Variants in SPTB observed in about 807,000 individuals in gnomAD.
SPTB encodes the protein spectrin beta chain, erythrocytic.
SPTB carries 45 observed loss-of-function variants against 256.2 expected under a neutral mutation model. That is an observed-to-expected ratio of 0.18 (90% CI 0.14 to 0.23). The LOEUF (loss-of-function observed/expected upper bound fraction) is 0.23, where lower values mean the gene tolerates loss of function less well. SPTB is among the 10% of genes least tolerant of loss of function. SPTB has a pLI of 1.00. For missense variants in SPTB, 2,715 were observed against 3,040.4 expected (o/e 0.89, Z 2.52); for synonymous variants, 1,231 against 1,243.1 (o/e 0.99, Z 0.21).
intron 15 of SPTB, among the ~76,000 whole-genome samples, chr14:64,789,738 G>T (rs1221279336): frequency 6.6e-6 from 1 of 152,312 alleles, no homozygotes; most frequent in East Asian, 1.9e-4. Flanking sequence ...AGTCCTTGGG[G>T]ACAAAAATAA....
intron 9 of SPTB, among the ~76,000 whole-genome samples, chr14:64,798,133 G>A (rs6573571): frequency 0.17 from 25,670 of 152,092 alleles, 3,144 homozygotes; most frequent in African/African-American, 0.34. Flanking sequence ...GGAAGCTGAG[G>A]TATTCTGGTA....
chr14:64,769,508 A>G (rs536191945), intron 28 of SPTB, 82 bp downstream of exon 28: 3 of 1,571,574 alleles, frequency 1.9e-6, no homozygotes, highest in African/African-American at 2.7e-5. Context: ...TGCAGCTCTC[A>G]TCTCCCTCCC....
rs2083704721 is a variant in SPTB, at chr14:64,847,089, C to G, written c.-51-23944G>C. ...GCCCCTTGTCTATGTGTAGCTCCAC[C>G]TCGGGGTGTGATTTCCTCAGTTGTT... On this transcript the variant is annotated intron_variant, in intron 1 of 35. Coordinates refer to ENST00000644917, the MANE Select transcript of SPTB (RefSeq NM_001355436.2). This position sits in a 1 kb window ranked among gnomAD's most constrained non-coding sequence, Gnocchi z 5.9. Among the ~76,000 whole-genome samples the G allele has an allele frequency of 6.6e-6, 1 of 152,180 alleles. No homozygotes were observed. The highest frequency in any genetic ancestry group is 6.5e-5 in the Admixed American group (1 of 15,280).
chr14:64,791,629 C>T (rs1401824525), intron 15 of SPTB, 90 bp downstream of exon 15: 8 of 845,654 alleles, frequency 9.5e-6, no homozygotes, highest in Admixed American at 1.9e-5. Flanking sequence ...TTGGTGCATA[C>T]TAGGTGGACT....
chr14:64,765,025 CGTGT>C (rs565885364), intron 32 of SPTB, among the ~76,000 whole-genome samples: 4 of 118,326 alleles, frequency 3.4e-5, no homozygotes, highest in East Asian at 6.0e-4. Flanking sequence ...GGAGTGTGTG[CGTGT>C]GTGTGTGTGT....
intron 3 of SPTB, 83 bp from the exon 4 acceptor site, chr14:64,803,863 T>A (rs1256421029): frequency 1.1e-5 from 16 of 1,446,664 alleles, no homozygotes; most frequent in African/African-American, 1.4e-5. Context: ...GCTCCTGTCA[T>A]AAGCACCCAC....
Position 64,802,379 on chromosome 14 carries a change from C to A in SPTB, c.475-62G>T, listed in dbSNP as rs1474962747. 1 of 1,531,302 alleles carries A rather than the reference C, an allele frequency of 6.5e-7. No homozygotes were observed. Among genetic ancestry groups the A allele is most frequent in the African/African-American group, 1.4e-5 (1 of 73,256 alleles). The allele number at this position is 1,531,302 out of a possible 1,614,324, so 94.9% of individuals were successfully genotyped here. A position where few individuals can be genotyped will look rare whatever the true frequency, so the allele number is the denominator to read the frequency against. On this transcript the variant is annotated intron_variant, in intron 4 of 35. Transcript: ENST00000644917. The surrounding 1 kb of genome is among the most constrained non-coding windows in gnomAD (Gnocchi z 5.1). Reference sequence around the variant, plus strand: ...GTGCATCTGGATCTGTGCTTTCCTGCCGTCCCTGGGAGGCTCCCTCCCTCA... The same window carrying A: ...GTGCATCTGGATCTGTGCTTTCCTGACGTCCCTGGGAGGCTCCCTCCCTCA...
chr14:64,879,453 G>A (rs1883001261), intron 1 of SPTB, among the ~76,000 whole-genome samples: 1 of 152,230 alleles, frequency 6.6e-6, no homozygotes, highest in African/African-American at 2.4e-5. Context: ...GGGTCCTGGA[G>A]AAGGCGGACG....
Position 64,749,341 on chromosome 14 carries a change from C to T in SPTB, c.6952G>A (p.Glu2318Lys). ...PDASLGKKDK[E>K]KRFSFFPKKK ...TTGGGGAAGAAGCTGAATCTCTTCT[C>T]CTTGTCTTTCTTGCCGAGGCTGGCG... Residue 2318 changes from glutamate (E) to lysine (K), a missense_variant, in exon 36 of 36, where the codon GAG becomes AAG. Coordinates refer to ENST00000644917, the MANE Select transcript of SPTB (RefSeq NM_001355436.2). The surrounding 1 kb of genome is among the most constrained non-coding windows in gnomAD (Gnocchi z 4.7). 1 of 1,609,944 alleles carries T rather than the reference C, an allele frequency of 6.2e-7. No homozygotes were observed. Among genetic ancestry groups the T allele is most frequent in the Non-Finnish European group, 8.5e-7 (1 of 1,179,328 alleles).
rs947967157 is a variant in SPTB, at chr14:64,780,499, C to T, written c.4267-568G>A. Among the ~76,000 whole-genome samples, 17 of 152,176 alleles carry T rather than the reference C, an allele frequency of 1.1e-4. 1 individual carries two copies. The highest frequency in any genetic ancestry group is 4.1e-4 in the South Asian group (2 of 4,832). Reference sequence around the variant, plus strand: ...TGCAATCTTGGCTCACTGCAACCTCCGCCTGCTGGGTTCAAGTGATTCTCC... The same window carrying T: ...TGCAATCTTGGCTCACTGCAACCTCTGCCTGCTGGGTTCAAGTGATTCTCC... On this transcript the variant is annotated intron_variant, in intron 20 of 35. Coordinates refer to ENST00000644917, the MANE Select transcript of SPTB (RefSeq NM_001355436.2).
At chr14:64,766,419 A>G (rs1566741223) in intron 32 of SPTB, 2 of 1,387,712 alleles carry the variant, frequency 1.4e-6, no homozygotes, top group Non-Finnish European at 1.9e-6. Flanking sequence ...CCTCATGTAA[A>G]TGGTGATATA....
At chr14:64,840,133 C>T (rs764846946) in intron 1 of SPTB, among the ~76,000 whole-genome samples, 30 of 152,350 alleles carry the variant, frequency 2.0e-4, no homozygotes, top group South Asian at 6.2e-4. Flanking sequence ...GCAGAACCAA[C>T]GCTTGAACTC....
chr14:64,751,946 T>TAAAAAAAAAAA lies in SPTB; in HGVS notation c.6602+1590_6602+1591insTTTTTTTTTTT, dbSNP rs1566731898. 1.9e-4 allele frequency among the ~76,000 whole-genome samples: 17 copies of TAAAAAAAAAAA among 90,422 alleles called. 1 individual carries two copies. Among genetic ancestry groups the TAAAAAAAAAAA allele is most frequent in the Non-Finnish European group, 2.5e-4 (10 of 40,396 alleles). 59.3% of individuals were successfully genotyped at this position (90,422 alleles called of 152,430 possible). Reference sequence around the variant, plus strand: ...AAAATGCAAAAAAAAAAAAAAAAATTAGCCAGGCGTGGTGGCACGTGCCTG... The same window carrying TAAAAAAAAAAA: ...AAAATGCAAAAAAAAAAAAAAAAATTAAAAAAAAAAAAGCCAGGCGTGGTGGCACGTGCCTG... On this transcript the variant is annotated intron_variant, in intron 33 of 35. Coordinates refer to ENST00000644917, the MANE Select transcript of SPTB (RefSeq NM_001355436.2).
rs1882643680 is a variant in SPTB, at chr14:64,873,224, C to A, written c.-52+6568G>T. ...ATATATATTTTTGTCTGTTGCTTGT[C>A]ATTTAGTTCCTCTCTCCCCCAACTA... On this transcript the variant is annotated intron_variant, in intron 1 of 35. Coordinates refer to ENST00000644917, the MANE Select transcript of SPTB (RefSeq NM_001355436.2). The surrounding 1 kb of genome is among the most constrained non-coding windows in gnomAD (Gnocchi z 4.3). Among the ~76,000 whole-genome samples, 1 of 152,164 alleles carries A rather than the reference C, an allele frequency of 6.6e-6. No homozygotes were observed. Among genetic ancestry groups the A allele is most frequent in the South Asian group, 2.1e-4 (1 of 4,810 alleles).
intron 32 of SPTB, 136 bp downstream of exon 32, chr14:64,766,590 T>C: frequency 6.2e-7 from 1 of 1,602,064 alleles, no homozygotes; most frequent in Non-Finnish European, 8.5e-7. Flanking sequence ...GGGAGGTGGC[T>C]GCAGGGATGT....
At chr14:64,862,744 G>A (rs569904206) in intron 1 of SPTB, among the ~76,000 whole-genome samples, 13 of 151,962 alleles carry the variant, frequency 8.6e-5, no homozygotes, top group African/African-American at 2.7e-4. Context: ...GCGTGGTGTT[G>A]GGCGCCTGTA....
rs1032712741 is a variant in SPTB, at chr14:64,791,333, C to T, written c.2804+386G>A. On this transcript the variant is annotated intron_variant, in intron 15 of 35. Coordinates refer to ENST00000644917, the MANE Select transcript of SPTB (RefSeq NM_001355436.2). ...CTGTAATCCCAGCACTTTGGGAGGC[C>T]GAGGTGGGCAGATCGCTTGAGGCCA... 7.9e-5 allele frequency among the ~76,000 whole-genome samples: 12 copies of T among 152,018 alleles called. No homozygotes were observed. The South Asian group carries it at 2.3e-3, about 29-fold the overall frequency.
chr14:64,825,542 C>T lies in SPTB; in HGVS notation c.-51-2397G>A, dbSNP rs2083366334. ...AGAGAGGGACTGACAGGCTGACCAC[C>T]TCCTGCAGGGCCACAAGCCTGTCCA... On this transcript the variant is annotated intron_variant, in intron 1 of 35. Transcript: ENST00000644917. This position sits in a 1 kb window ranked among gnomAD's most constrained non-coding sequence, Gnocchi z 4.8. Among the ~76,000 whole-genome samples the T allele has an allele frequency of 6.6e-6, 1 of 152,134 alleles. No individual in the cohort carries two copies. Among genetic ancestry groups the T allele is most frequent in the Non-Finnish European group, 1.5e-5 (1 of 68,022 alleles).
intron 1 of SPTB, among the ~76,000 whole-genome samples, chr14:64,851,937 G>A (rs949431186): frequency 2.6e-5 from 4 of 152,100 alleles, no homozygotes; most frequent in Non-Finnish European, 5.9e-5. Context: ...TAGGTGATGG[G>A]TTGATTGATA....
Sources: gnomAD v4.1 joint callset for allele counts (sites outside exome capture counted in the v4.1 genomes callset) on GRCh38, gnomAD v4.1.1 for gene constraint, Gnocchi (gnomAD v3.1) non-coding constraint, MANE v1.5 for transcripts, NCBI Gene and HGNC (gene_info 2026-07-23, HGNC 2026-07-21) for gene names.